Variants in TANC1 observed in about 807,000 individuals in gnomAD.
TANC1 encodes tetratricopeptide repeat, ankyrin repeat and coiled-coil containing 1.
A neutral mutation model predicts 149.7 loss-of-function variants in TANC1; 77 were observed. That is an observed-to-expected ratio of 0.51 (90% confidence interval 0.43 to 0.62). TANC1 has a LOEUF of 0.62. TANC1 is among the 20% of genes least tolerant of loss of function. The probability of loss-of-function intolerance (pLI) is 0.00; values close to 1 mark genes in which losing one functional copy is unlikely to be tolerated. For missense variants in TANC1, 1,985 were observed against 2,321.8 expected, an observed-to-expected ratio of 0.85 and a Z score of 2.98; for synonymous variants, 854 against 925.0, an observed-to-expected ratio of 0.92 and a Z score of 1.39.
At chr2:159,047,495 C>G (rs1005228158) in intron 2 of TANC1, among the ~76,000 whole-genome samples, 1 of 152,090 alleles carries the variant, frequency 6.6e-6, no homozygotes, top group African/African-American at 2.4e-5. Flanking sequence ...TAGGGCAAAG[C>G]TGCCTCTGAT....
intron 20 of TANC1, 34 bp downstream of exon 20, chr2:159,217,664 A>T (rs1270370827): frequency 1.9e-6 from 3 of 1,610,588 alleles, no homozygotes; most frequent in Non-Finnish European, 2.5e-6. Context: ...TTCAGAAGCA[A>T]TGAGTGGGGA....
chr2:159,163,480 G>A lies in TANC1; in HGVS notation c.880G>A (p.Asp294Asn). ...TLPKAESSAG[D>N]GPVPYSQGSS... ...GCCCAAAGCAGAATCCTCAGCTGGA[G>A]ATGGTCCAGTCCCTTATTCTCAGGG... Residue 294 changes from aspartate (D) to asparagine (N), a missense_variant, in exon 8 of 27, where the codon GAT becomes AAT. By Grantham distance (23) the Asp-to-Asn change is conservative. Transcript: ENST00000263635. The A allele has an allele frequency of 6.2e-7, 1 of 1,613,774 alleles. No individual in the cohort carries two copies. Among genetic ancestry groups the A allele is most frequent in the Non-Finnish European group, 8.5e-7 (1 of 1,179,996 alleles).
chr2:159,036,776 TG>T (rs1370442352), intron 2 of TANC1, among the ~76,000 whole-genome samples: 2 of 152,242 alleles, frequency 1.3e-5, no homozygotes, highest in African/African-American at 4.8e-5. Context: ...ACATTTGGGT[TG>T]GTTCCAAGTC....
intron 7 of TANC1, among the ~76,000 whole-genome samples, chr2:159,151,640 G>T (rs2052821334): frequency 6.6e-6 from 1 of 152,322 alleles, no homozygotes; most frequent in Admixed American, 6.5e-5. Flanking sequence ...CAGGCAGCAG[G>T]TTCATCCAGT....
At chr2:159,207,064 C>T (rs1290681083) in intron 19 of TANC1, among the ~76,000 whole-genome samples, 1 of 152,204 alleles carries the variant, frequency 6.6e-6, no homozygotes, top group East Asian at 1.9e-4. Context: ...TTATAGCACA[C>T]ACATTATTCC....
chr2:159,035,257 T>C (rs1326337689), intron 2 of TANC1, among the ~76,000 whole-genome samples: 1 of 152,186 alleles, frequency 6.6e-6, no homozygotes, highest in Non-Finnish European at 1.5e-5. Context: ...GAAAAAGCTA[T>C]TGATGGGCAT....
intron 22 of TANC1, among the ~76,000 whole-genome samples, 197 bp downstream of exon 22, chr2:159,220,064 A>G (rs931910304): frequency 6.6e-6 from 1 of 150,460 alleles, no homozygotes; most frequent in African/African-American, 2.5e-5. Flanking sequence ...TGTGACATGC[A>G]GTCTATTCCA....
At chr2:159,193,277 G>C (rs1226318348) in intron 16 of TANC1, among the ~76,000 whole-genome samples, 1 of 152,162 alleles carries the variant, frequency 6.6e-6, no homozygotes, top group African/African-American at 2.4e-5. Context: ...GTTTACCCAT[G>C]TTGTCACATA....
At position 159,138,729 on chromosome 2, in the gene TANC1, A is replaced by G. The variant is rs1035016085; in HGVS notation, c.364+2431A>G. Among the ~76,000 whole-genome samples the G allele has an allele frequency of 3.9e-5, 6 of 152,352 alleles. No individual in the cohort carries two copies. In the East Asian group the frequency reaches 5.8e-4, roughly 15 times the overall value. On this transcript the variant is annotated intron_variant, in intron 5 of 26. Transcript: ENST00000263635. ...TAAGACGCTTTTCTGGGTGCTGTCAATAATAGCATGCCAGTATTCACCAGA... is the reference window on the plus strand; with the variant it reads ...TAAGACGCTTTTCTGGGTGCTGTCAGTAATAGCATGCCAGTATTCACCAGA...
At chr2:159,028,514 G>A (rs2039531339) in intron 2 of TANC1, among the ~76,000 whole-genome samples, 1 of 152,166 alleles carries the variant, frequency 6.6e-6, no homozygotes, top group African/African-American at 2.4e-5. Context: ...GAATCCTTGA[G>A]TTTGTATCCT....
chr2:159,042,165 G>A (rs1038151067), intron 2 of TANC1, among the ~76,000 whole-genome samples: 3 of 152,156 alleles, frequency 2.0e-5, no homozygotes, highest in African/African-American at 7.2e-5. Flanking sequence ...GTCTTCTGGA[G>A]CTCCTCATTA....
At chr2:159,100,042 T>TC (rs1251720869) in intron 4 of TANC1, among the ~76,000 whole-genome samples, 4 of 152,194 alleles carry the variant, frequency 2.6e-5, no homozygotes, top group Non-Finnish European at 5.9e-5. Context: ...GTCTTATACC[T>TC]CATCTCTATA....
At chr2:159,091,551 T>C (rs147140035) in intron 3 of TANC1, among the ~76,000 whole-genome samples, 8 of 152,354 alleles carry the variant, frequency 5.3e-5, no homozygotes, top group Non-Finnish European at 7.3e-5. Flanking sequence ...AATGCCAGTC[T>C]GTTTACTCAT....
At chr2:159,089,168 G>A (rs879728036) in intron 3 of TANC1, among the ~76,000 whole-genome samples, 26 of 133,044 alleles carry the variant, frequency 2.0e-4, no homozygotes, top group Admixed American at 3.2e-4. Context: ...AGACTGGAGT[G>A]TGGTTAGGCC....
At chr2:158,984,844 G>T (rs917848198) in intron 1 of TANC1, among the ~76,000 whole-genome samples, 6 of 152,182 alleles carry the variant, frequency 3.9e-5, no homozygotes, top group African/African-American at 9.7e-5. Flanking sequence ...TGTGTTTGGG[G>T]TGTTGTTACT....
chr2:159,080,214 C>T (rs929257879), intron 3 of TANC1, among the ~76,000 whole-genome samples: 11 of 152,220 alleles, frequency 7.2e-5, no homozygotes, highest in African/African-American at 2.7e-4. Context: ...GTTACCCCAC[C>T]TCTTGTATTT....
chr2:159,040,160 A>G (rs976324098), intron 2 of TANC1, among the ~76,000 whole-genome samples: 1 of 152,018 alleles, frequency 6.6e-6, no homozygotes, highest in Non-Finnish European at 1.5e-5. Flanking sequence ...TTTATCAGAG[A>G]CTAGGATTGC....
chr2:159,080,065 A>G (rs1318039175), intron 3 of TANC1, among the ~76,000 whole-genome samples: 2 of 152,150 alleles, frequency 1.3e-5, no homozygotes, highest in Non-Finnish European at 2.9e-5. Flanking sequence ...GCCACCCAGA[A>G]AAGGGGCAGG....
At chr2:159,118,348 A>G (rs990879163) in intron 4 of TANC1, among the ~76,000 whole-genome samples, 36 of 152,310 alleles carry the variant, frequency 2.4e-4, no homozygotes, top group Non-Finnish European at 4.9e-4. Context: ...CACCACCACC[A>G]TGAGAGTGGA....
Sources: allele counts gnomAD v4.1 joint callset (sites outside exome capture counted in the v4.1 genomes callset), GRCh38; gene constraint gnomAD v4.1.1; transcripts MANE v1.5; gene names NCBI Gene and HGNC (gene_info 2026-07-23, HGNC 2026-07-21).